The following DYNC2I1 variants were observed in gnomAD, a reference collection of about 807,000 sequenced individuals.
The protein encoded by DYNC2I1 is dynein 2 intermediate chain 1, also known as cytoplasmic dynein 2 intermediate chain 1.
A neutral mutation model predicts 133.4 loss-of-function variants in DYNC2I1; 89 were observed. The ratio of observed to expected loss-of-function variants is 0.67; its 90% CI spans 0.56 to 0.80. The LOEUF is 0.80. Among genes scored for constraint, DYNC2I1 ranks in the 30% least tolerant of loss-of-function variants. The probability of loss-of-function intolerance (pLI) is 0.00; values close to 1 mark genes in which losing one functional copy is unlikely to be tolerated. For missense variants in DYNC2I1, 1,291 were observed against 1,314.5 expected, an observed-to-expected ratio of 0.98 and a Z score of 0.28; for synonymous variants, 504 against 484.3, an observed-to-expected ratio of 1.04 and a Z score of -0.54.
At chr7:158,954,198 A>C (rs1024540882) in intron 4 of DYNC2I1, among the ~76,000 whole-genome samples, 2 of 152,146 alleles carry the variant, frequency 1.3e-5, no homozygotes, top group African/African-American at 4.8e-5. Context: ...AGGCCTCCCC[A>C]GCCATGTGGA....
intron 6 of DYNC2I1, among the ~76,000 whole-genome samples, chr7:158,886,199 C>T (rs1166078554): frequency 6.6e-6 from 1 of 151,768 alleles, no homozygotes; most frequent in African/African-American, 2.4e-5. Context: ...GGCATGATCT[C>T]GGCCCACTGT....
intron 14 of DYNC2I1, among the ~76,000 whole-genome samples, chr7:158,916,440 G>A (rs77364864): frequency 1.7e-5 from 1 of 59,512 alleles, no homozygotes; most frequent in African/African-American, 5.9e-5. Context: ...ATTGTGAAAC[G>A]TCGACACGCT....
At chr7:158,948,709 C>T (rs144959398), downstream of DYNC2I1, among the ~76,000 whole-genome samples, 559 of 152,210 alleles carry the variant, frequency 3.7e-3, 14 homozygotes, top group Non-Finnish European at 4.1e-3. Context: ...CCTCAATGAC[C>T]CCACACCCCC....
Position 158,902,493 on chromosome 7 carries a change from A to AT in DYNC2I1, c.1257dup (p.Gln420SerfsTer5), listed in dbSNP as rs1353933289. 1 of 1,613,942 alleles carries AT rather than the reference A, an allele frequency of 6.2e-7. No homozygotes were observed. Among genetic ancestry groups the AT allele is most frequent in the Non-Finnish European group, 8.5e-7 (1 of 1,179,902 alleles). ...AGCTCAAAAAAAGGAAATACAAGAA[A>AT]TTCAAAGAGCTATTAATGCAGAAAA... On this transcript the variant is annotated frameshift_variant, in exon 10 of 25. Coordinates refer to ENST00000407559, the MANE Select transcript of DYNC2I1 (RefSeq NM_018051.5). LOFTEE classifies it high-confidence loss of function.
chr7:158,928,102 G>A (rs972098824), intron 20 of DYNC2I1, among the ~76,000 whole-genome samples: 3 of 152,188 alleles, frequency 2.0e-5, no homozygotes, highest in Non-Finnish European at 2.9e-5. Context: ...GGTGGCAAAG[G>A]TCCCCGGGTT....
downstream of DYNC2I1, among the ~76,000 whole-genome samples, chr7:158,950,813 C>T (rs955890292): frequency 5.3e-4 from 71 of 134,222 alleles, 1 homozygote; most frequent in African/African-American, 1.1e-3. Context: ...TATACTGCAC[C>T]GGGACCAGCC....
intron 23 of DYNC2I1, among the ~76,000 whole-genome samples, chr7:158,935,057 C>A (rs562441991): frequency 6.6e-6 from 1 of 152,182 alleles, no homozygotes; most frequent in South Asian, 2.1e-4. Flanking sequence ...ATATGAAATA[C>A]CAAAACCTAT....
Position 158,943,410 on chromosome 7 carries a change from C to T in DYNC2I1, c.3002+1262C>T, listed in dbSNP as rs1231049996. On this transcript the variant is annotated intron_variant, in intron 24 of 24. Coordinates refer to ENST00000407559, the MANE Select transcript of DYNC2I1 (RefSeq NM_018051.5). Reference sequence around the variant, plus strand: ...CAAGAAAGACAATGAGCAGAGTGAACGAGGGGGTCCCGAAATGTGCTGGAA... The same window carrying T: ...CAAGAAAGACAATGAGCAGAGTGAATGAGGGGGTCCCGAAATGTGCTGGAA... 2.6e-5 allele frequency among the ~76,000 whole-genome samples: 4 copies of T among 152,088 alleles called. No homozygotes were observed. In the East Asian group the frequency reaches 5.8e-4, roughly 22 times the overall value.
chr7:158,841,208 TATA>T, the DYNC2I1 span, among the ~76,000 whole-genome samples: 21 of 73,180 alleles, frequency 2.9e-4, 1 homozygote, highest in Non-Finnish European at 4.5e-4. Context: ...TATATATATA[TATA>T]TATATATATA....
intron 1 of DYNC2I1, among the ~76,000 whole-genome samples, chr7:158,866,099 T>G (rs1407281780): frequency 8.3e-6 from 1 of 119,778 alleles, no homozygotes; most frequent in Non-Finnish European, 1.7e-5. Flanking sequence ...GTATCAGTAA[T>G]GTTAACCATT....
At chr7:158,941,818 C>G in intron 23 of DYNC2I1, 107 bp from the exon 24 acceptor site, 2 of 1,323,392 alleles carry the variant, frequency 1.5e-6, no homozygotes, top group South Asian at 2.6e-5. Flanking sequence ...GTCAAGCTGC[C>G]ATGAGCTGTG....
rs991194150 is a variant in DYNC2I1, at chr7:158,905,128, GTCTT to G, written c.1358-855_1358-852del. The G allele has an allele frequency of 1.3e-4, 47 of 369,648 alleles. 1 individual carries two copies. The highest frequency in any genetic ancestry group is 1.8e-4 in the Non-Finnish European group (35 of 189,414). 22.9% of individuals were successfully genotyped at this position (369,648 alleles called of 1,614,324 possible). ...ATTGGGGATGGAGTTGTTTGTTCTT[GTCTT>G]TCTTTTTCTTTTTTTTTTTTTTTTT... On this transcript the variant is annotated intron_variant, in intron 10 of 24. Transcript: ENST00000407559.
intron 19 of DYNC2I1, 123 bp downstream of exon 19, chr7:158,926,586 T>C: frequency 1.8e-6 from 2 of 1,089,274 alleles, no homozygotes; most frequent in Non-Finnish European, 2.7e-6. Flanking sequence ...AGAGCAAGAC[T>C]GGGCTTCTTG....
chr7:158,928,352 C>T (rs2129487248), intron 20 of DYNC2I1, among the ~76,000 whole-genome samples: 1 of 152,218 alleles, frequency 6.6e-6, no homozygotes, highest in East Asian at 1.9e-4. Context: ...TTGCTTGAAT[C>T]AGGGGTGTTT....
In DYNC2I1 at chr7:158,869,849, A is replaced by G. The variant is rs543244299; in HGVS notation, c.16-6A>G. 11 of 1,609,864 alleles carry G rather than the reference A, an allele frequency of 6.8e-6. No homozygotes were observed. Among genetic ancestry groups the G allele is most frequent in the Admixed American group, 3.3e-5 (2 of 59,768 alleles). ...AAACATTCTAACTTTATACTTTTCT[A>G]TTTAGAGAAGAACCAAAGATGATAC... On this transcript the variant is annotated splice_polypyrimidine_tract_variant and splice_region_variant and intron_variant, in intron 1 of 24. Coordinates refer to ENST00000407559, the MANE Select transcript of DYNC2I1 (RefSeq NM_018051.5).
At chr7:158,921,444 A>G (rs1002954739) in intron 15 of DYNC2I1, among the ~76,000 whole-genome samples, 1 of 152,162 alleles carries the variant, frequency 6.6e-6, no homozygotes, top group Non-Finnish European at 1.5e-5. Context: ...GACTGCCAAT[A>G]AAAACCACAG....
chr7:158,945,973 A>G lies in DYNC2I1; in HGVS notation c.*194A>G, dbSNP rs1179237469. ...CTACTTTTGAGTGGAAACAAAGAAC[A>G]TTCTAGCATTTACAAAACTTCCAGG... On this transcript the variant is annotated 3_prime_UTR_variant, in exon 25 of 25. Transcript: ENST00000407559. This position sits in a 1 kb window ranked among gnomAD's most constrained non-coding sequence, Gnocchi z 4.1. 2 of 543,922 alleles carry G rather than the reference A, an allele frequency of 3.7e-6. No individual in the cohort carries two copies. Among genetic ancestry groups the G allele is most frequent in the East Asian group, 3.6e-5 (1 of 27,812 alleles). 33.7% of individuals were successfully genotyped at this position (543,922 alleles called of 1,614,324 possible).
At chr7:158,887,203 G>A in intron 7 of DYNC2I1, 128 bp downstream of exon 7, 1 of 894,474 alleles carries the variant, frequency 1.1e-6, no homozygotes, top group Admixed American at 2.4e-5. Flanking sequence ...TTATTCGAGT[G>A]GTGATCCCAG....
chr7:158,850,077 A>G, the DYNC2I1 span, among the ~76,000 whole-genome samples: 1 of 152,224 alleles, frequency 6.6e-6, no homozygotes, highest in Non-Finnish European at 1.5e-5. Flanking sequence ...GAGAGAGGCC[A>G]GGCAGTGGGA....
Sources: gnomAD v4.1 joint callset for allele counts (sites outside exome capture counted in the v4.1 genomes callset) on GRCh38, gnomAD v4.1.1 for gene constraint, Gnocchi (gnomAD v3.1) non-coding constraint, MANE v1.5 for transcripts, NCBI Gene and HGNC (gene_info 2026-07-23, HGNC 2026-07-21) for gene names.